Variants in CDH4 observed in about 807,000 individuals in gnomAD.
CDH4 encodes the protein cadherin-4.
A neutral mutation model predicts 86.0 loss-of-function variants in CDH4; 33 were observed. The observed-to-expected ratio is 0.38, with a 90% CI of 0.29 to 0.51. The LOEUF (loss-of-function observed/expected upper bound fraction) is 0.51. Among genes scored for constraint, CDH4 ranks in the 20% least tolerant of loss-of-function variants. The pLI is 0.86. For synonymous variants in CDH4, 555 were observed against 549.4 expected (o/e 1.01, Z -0.14); for missense variants, 1,114 against 1,307.4 (o/e 0.85, Z 2.28).
At chr20:61,654,783 G>A (rs1000982813) in intron 2 of CDH4, among the ~76,000 whole-genome samples, 26 of 152,254 alleles carry the variant, frequency 1.7e-4, no homozygotes, top group African/African-American at 5.1e-4. Flanking sequence ...GCCAGTGGCC[G>A]TTAAACCAGT....
chr20:61,394,351 G>A (rs536115652), intron 2 of CDH4, among the ~76,000 whole-genome samples: 12 of 152,236 alleles, frequency 7.9e-5, no homozygotes, highest in East Asian at 1.9e-4. Context: ...CAGCCCCAGC[G>A]ACCAGCGGCA....
At chr20:61,905,536 C>T (rs958358833) in intron 8 of CDH4, among the ~76,000 whole-genome samples, 3 of 152,222 alleles carry the variant, frequency 2.0e-5, no homozygotes, top group Admixed American at 1.3e-4. Context: ...GCTTCAGGCA[C>T]GGCCGCTCCA....
intron 4 of CDH4, among the ~76,000 whole-genome samples, chr20:61,795,016 T>TAAA (rs1979447641): frequency 6.6e-6 from 1 of 150,562 alleles, no homozygotes; most frequent in Non-Finnish European, 1.5e-5. Context: ...ATGATGGTGA[T>TAAA]AAAGGTGGGA....
intron 2 of CDH4, among the ~76,000 whole-genome samples, chr20:61,643,261 C>G (rs180956523): frequency 6.6e-6 from 1 of 152,146 alleles, no homozygotes; most frequent in African/African-American, 2.4e-5. Flanking sequence ...TTCGTGGTAA[C>G]GACCCCACCC....
intron 2 of CDH4, among the ~76,000 whole-genome samples, chr20:61,637,311 C>T (rs1447187243): frequency 1.3e-5 from 2 of 152,136 alleles, no homozygotes; most frequent in African/African-American, 2.4e-5. Context: ...GCTGCATAGC[C>T]GCTCCCACGA....
intron 2 of CDH4, among the ~76,000 whole-genome samples, chr20:61,633,877 A>G (rs1213451969): frequency 1.3e-5 from 2 of 152,222 alleles, no homozygotes; most frequent in Non-Finnish European, 2.9e-5. Context: ...TTAAACACAG[A>G]GACATCTAAT....
chr20:61,647,522 A>G lies in CDH4; in HGVS notation c.170-96041A>G, dbSNP rs1165475967. On this transcript the variant is annotated intron_variant, in intron 2 of 15. Transcript: ENST00000614565. The stretch of plus-strand genomic sequence containing the variant: ...GAAAAACACATCAGTATGCACACAC[A>G]TATTCTCTCTCCCTCTCCCTCTCCC... Among the ~76,000 whole-genome samples, 8 of 65,250 alleles carry G rather than the reference A, an allele frequency of 1.2e-4. 1 individual carries two copies. The highest frequency in any genetic ancestry group is 3.7e-4 in the African/African-American group (8 of 21,540). 42.8% of individuals were successfully genotyped at this position (65,250 alleles called of 152,430 possible).
intron 2 of CDH4, among the ~76,000 whole-genome samples, chr20:61,702,497 G>T (rs1049929692): frequency 6.6e-6 from 1 of 152,198 alleles, no homozygotes; most frequent in African/African-American, 2.4e-5. Flanking sequence ...CAGACGCTTC[G>T]CACTGTGTGT....
chr20:61,931,329 C>A (rs1165921064), intron 13 of CDH4, among the ~76,000 whole-genome samples: 2 of 152,232 alleles, frequency 1.3e-5, no homozygotes, highest in Non-Finnish European at 2.9e-5. Flanking sequence ...TCTCCACGAT[C>A]TGGGCCAGGT....
At chr20:61,825,707 G>A (rs916196281) in intron 4 of CDH4, among the ~76,000 whole-genome samples, 1 of 152,298 alleles carries the variant, frequency 6.6e-6, no homozygotes, top group East Asian at 1.9e-4. Context: ...GCCCAGAGCT[G>A]TCTCCCACCT....
At chr20:61,923,860 C>T (rs937349300) in intron 10 of CDH4, among the ~76,000 whole-genome samples, 156 bp downstream of exon 10, 1 of 152,204 alleles carries the variant, frequency 6.6e-6, no homozygotes, top group African/African-American at 2.4e-5. Context: ...GAGGGAGCCG[C>T]AGCCCCTTAG....
At chr20:61,885,304 T>C (rs1192949990) in intron 7 of CDH4, among the ~76,000 whole-genome samples, 2 of 152,148 alleles carry the variant, frequency 1.3e-5, no homozygotes, top group Admixed American at 6.5e-5. Flanking sequence ...CTCGACTCCC[T>C]TACCCCCAGC....
In CDH4 at chr20:61,934,240, G is replaced by A; in HGVS notation, c.2544+20G>A. 1.3e-6 allele frequency: 2 copies of A among 1,511,560 alleles called. No homozygotes were observed. The highest frequency in any genetic ancestry group is 1.8e-6 in the Non-Finnish European group (2 of 1,127,650). 93.6% of individuals were successfully genotyped at this position (1,511,560 alleles called of 1,614,324 possible). A position where few individuals can be genotyped will look rare whatever the true frequency, so the allele number is the denominator to read the frequency against. On this transcript the variant is annotated intron_variant, in intron 15 of 15. Coordinates refer to ENST00000614565, the MANE Select transcript of CDH4 (RefSeq NM_001794.5). ...AATGAGGTGTGTGCCTCTCGGCAGTGGGGGGCCCGGGCAAGGTGTCTCCTC... is the reference window on the plus strand; with the variant it reads ...AATGAGGTGTGTGCCTCTCGGCAGTAGGGGGCCCGGGCAAGGTGTCTCCTC...
intron 2 of CDH4, among the ~76,000 whole-genome samples, chr20:61,639,018 C>G (rs1013498785): frequency 2.4e-4 from 37 of 152,226 alleles, no homozygotes; most frequent in African/African-American, 8.0e-4. Flanking sequence ...TCATGTTCAT[C>G]AAATGTCAGT....
At chr20:61,573,014 ATGGATGGATGGATGGT>A (rs1335747638) in intron 2 of CDH4, among the ~76,000 whole-genome samples, 3,028 of 142,328 alleles carry the variant, frequency 0.021, 86 homozygotes, top group African/African-American at 0.068. Context: ...GGATGGATTG[ATGGATGGATGGATGGT>A]TGGATGGATG....
intron 9 of CDH4, among the ~76,000 whole-genome samples, chr20:61,921,242 A>ATGGTGTCACGGTGATTGCGTGGAAGCG (rs1369753975): frequency 7.0e-6 from 1 of 143,074 alleles, no homozygotes; most frequent in Admixed American, 6.9e-5. Flanking sequence ...GCATGGAAGC[A>ATGGTGTCACGGTGATTGCGTGGAAGCG]TGGTGTCACG....
At position 61,754,671 on chromosome 20, in the gene CDH4, A is replaced by G. The variant is rs1204192796; in HGVS notation, c.396+10882A>G. On this transcript the variant is annotated intron_variant, in intron 3 of 15. Transcript: ENST00000614565. This position sits in a 1 kb window ranked among gnomAD's most constrained non-coding sequence, Gnocchi z 4.7. Reference sequence around the variant, plus strand: ...CACACCACACGCACACACGCCCCGCACACACTATGCACACCACACACACAG... The same window carrying G: ...CACACCACACGCACACACGCCCCGCGCACACTATGCACACCACACACACAG... Among the ~76,000 whole-genome samples, 2 of 143,856 alleles carry G rather than the reference A, an allele frequency of 1.4e-5. No homozygotes were observed. Among genetic ancestry groups the G allele is most frequent in the South Asian group, 4.5e-4 (2 of 4,470 alleles). 94.4% of individuals were successfully genotyped at this position (143,856 alleles called of 152,430 possible). A position where few individuals can be genotyped will look rare whatever the true frequency, so the allele number is the denominator to read the frequency against.
At chr20:61,637,884 G>A (rs1253060529) in intron 2 of CDH4, among the ~76,000 whole-genome samples, 1 of 152,144 alleles carries the variant, frequency 6.6e-6, no homozygotes, top group Non-Finnish European at 1.5e-5. Flanking sequence ...AGCCGGACAT[G>A]GTGGTGGGTG....
chr20:61,635,516 C>T (rs1406260239), intron 2 of CDH4, among the ~76,000 whole-genome samples: 2 of 152,208 alleles, frequency 1.3e-5, no homozygotes, highest in East Asian at 3.9e-4. Flanking sequence ...TCTCAGCTGG[C>T]TCTTCTGTGT....
Sources: allele counts gnomAD v4.1 joint callset (sites outside exome capture counted in the v4.1 genomes callset), GRCh38; gene constraint gnomAD v4.1.1; non-coding constraint Gnocchi (gnomAD v3.1); transcripts MANE v1.5; gene names NCBI Gene and HGNC (gene_info 2026-07-23, HGNC 2026-07-21).